Variants in LRRC28 observed in about 807,000 individuals in gnomAD.
LRRC28 encodes the protein leucine rich repeat containing 28, also known as leucine-rich repeat-containing protein 28.
In LRRC28, 39 loss-of-function variants were observed where a neutral mutation model predicts 45.7. The observed-to-expected ratio is 0.85, with a 90% confidence interval of 0.66 to 1.12. The LOEUF (loss-of-function observed/expected upper bound fraction) is 1.12, where lower values mean the gene tolerates loss of function less well. LRRC28 is among the 50% of genes most tolerant of loss of function. LRRC28 has a pLI of 0.00. For missense variants in LRRC28, 435 were observed against 438.5 expected, an observed-to-expected ratio of 0.99 and a Z score of 0.07; for synonymous variants, 206 against 178.8, an observed-to-expected ratio of 1.15 and a Z score of -1.22.
chr15:99,377,207 G>A (rs1957666623), intron 9 of LRRC28, among the ~76,000 whole-genome samples: 1 of 151,630 alleles, frequency 6.6e-6, no homozygotes, highest in Admixed American at 6.5e-5. Context: ...TCCAGCACCT[G>A]TTGTTTCCTG....
intron 6 of LRRC28, among the ~76,000 whole-genome samples, chr15:99,351,364 C>T (rs1156412139): frequency 6.6e-6 from 1 of 152,318 alleles, no homozygotes; most frequent in East Asian, 1.9e-4. Context: ...CCATTCTTTG[C>T]CCTCTCACTG....
intron 7 of LRRC28, among the ~76,000 whole-genome samples, chr15:99,354,646 G>T (rs931583773): frequency 5.9e-5 from 9 of 152,214 alleles, no homozygotes; most frequent in Non-Finnish European, 1.3e-4. Flanking sequence ...GTACAGTGAT[G>T]AGCTAAGCGA....
intron 6 of LRRC28, among the ~76,000 whole-genome samples, chr15:99,337,055 C>G (rs192971418): frequency 6.6e-6 from 1 of 152,234 alleles, no homozygotes; most frequent in Non-Finnish European, 1.5e-5. Context: ...AATTGAACTC[C>G]TTAAGTCGAA....
chr15:99,324,389 G>A (rs1955900377), intron 5 of LRRC28, among the ~76,000 whole-genome samples: 1 of 152,178 alleles, frequency 6.6e-6, no homozygotes, highest in Non-Finnish European at 1.5e-5. Flanking sequence ...ATTTCTGTAT[G>A]TTCTCAACCC....
chr15:99,347,440 C>G (rs1956727708), intron 6 of LRRC28, among the ~76,000 whole-genome samples: 1 of 152,202 alleles, frequency 6.6e-6, no homozygotes, highest in Admixed American at 6.5e-5. Context: ...ATCTCCTGAC[C>G]TCGTGATCTG....
In LRRC28 at chr15:99,387,111, A is replaced by ACT. The variant is rs1567721289; in HGVS notation, c.*1009_*1010insCT. ...AGTCTCGCTCTGTCGCCCAGGCTGG[A>ACT]GTGCAGTGGCGGGATCTCGGCTCAC... On this transcript the variant is annotated 3_prime_UTR_variant, in exon 10 of 10. Transcript: ENST00000301981. The ACT allele has an allele frequency of 1.3e-5, 2 of 151,370 alleles. No homozygotes were observed. The highest frequency in any genetic ancestry group is 1.9e-4 in the East Asian group (1 of 5,134). The allele number at this position is 151,370 out of a possible 1,614,324, so 9.4% of individuals were successfully genotyped here.
intron 5 of LRRC28, among the ~76,000 whole-genome samples, chr15:99,324,435 GT>G (rs1446686944): frequency 1.3e-5 from 2 of 152,182 alleles, no homozygotes; most frequent in East Asian, 3.9e-4. Flanking sequence ...GCTATTTTTA[GT>G]GGTACCGGAA....
chr15:99,287,831 A>G lies in LRRC28; in HGVS notation c.265A>G (p.Lys89Glu). 6.2e-7 allele frequency: 1 copy of G among 1,612,332 alleles called. No individual in the cohort carries two copies. The part of the protein sequence containing the change: ...VVPEAIGSLV[K>E]LQCLDLSDNA... ...CTTTGAAGCCATTGGGTCTCTTGTA[A>G]AACTCCAATGTCTGGATCTTAGTGA... Residue 89 changes from lysine to glutamate, a missense_variant, in exon 5 of 10, where the codon AAA (lysine) becomes GAA (glutamate). Transcript: ENST00000301981.
At chr15:99,363,520 A>G in intron 9 of LRRC28, 1 of 285,522 alleles carries the variant, frequency 3.5e-6, no homozygotes, top group Non-Finnish European at 6.5e-6. Context: ...CTTTGTGAGA[A>G]TGTTTTCCTG....
chr15:99,377,698 C>A (rs575951364), intron 9 of LRRC28, among the ~76,000 whole-genome samples: 5 of 152,096 alleles, frequency 3.3e-5, no homozygotes, highest in Non-Finnish European at 7.4e-5. Context: ...AGTCTTTAAT[C>A]CATCTTGAAT....
Position 99,334,571 on chromosome 15 carries a change from A to C in LRRC28, c.592+442A>C, listed in dbSNP as rs146176831. Among the ~76,000 whole-genome samples the C allele has an allele frequency of 3.7e-3, 560 of 152,242 alleles. 3 individuals are homozygous for C. Among genetic ancestry groups the C allele is most frequent in the African/African-American group, 0.013 (539 of 41,522 alleles). On this transcript the variant is annotated intron_variant, in intron 6 of 9. Transcript: ENST00000301981. ...TATTGCCAGATAACCAGATTATAAA[A>C]CTTTAAAGACCTTAAAATTGGCTGA...
intron 3 of LRRC28, among the ~76,000 whole-genome samples, chr15:99,281,645 GA>G (rs959140801): frequency 5.9e-5 from 9 of 152,110 alleles, no homozygotes; most frequent in African/African-American, 2.2e-4. Context: ...AATACTTTTT[GA>G]TTGGATGGAC....
intron 7 of LRRC28, among the ~76,000 whole-genome samples, chr15:99,354,281 A>G (rs745320149): frequency 5.9e-5 from 9 of 152,218 alleles, no homozygotes; most frequent in Non-Finnish European, 1.0e-4. Context: ...TATACTTACA[A>G]TAATACTTCT....
At chr15:99,362,837 T>C (rs1957239501) in intron 8 of LRRC28, among the ~76,000 whole-genome samples, 1 of 152,162 alleles carries the variant, frequency 6.6e-6, no homozygotes, top group South Asian at 2.1e-4. Context: ...AAATATTTTA[T>C]CTCACTTATT....
intron 3 of LRRC28, among the ~76,000 whole-genome samples, chr15:99,283,164 A>G (rs1197237029): frequency 6.6e-6 from 1 of 151,402 alleles, no homozygotes; most frequent in African/African-American, 2.4e-5. Flanking sequence ...AAGTGCTGGG[A>G]TTACAGGCGT....
At position 99,388,184 on chromosome 15, in the gene LRRC28, A is replaced by G. The variant is rs1200662110; in HGVS notation, c.*2082A>G. The G allele has an allele frequency of 6.6e-6, 1 of 152,228 alleles. No individual in the cohort carries two copies. The highest frequency in any genetic ancestry group is 2.4e-5 in the African/African-American group (1 of 41,462). The allele number at this position is 152,228 out of a possible 1,614,324, so 9.4% of individuals were successfully genotyped here. Reference sequence around the variant, plus strand: ...TGAAAATGTGGCATGAAACTTCACAATTGTGCTTCAGGCCTAAGTGACTGC... The same window carrying G: ...TGAAAATGTGGCATGAAACTTCACAGTTGTGCTTCAGGCCTAAGTGACTGC... On this transcript the variant is annotated 3_prime_UTR_variant, in exon 10 of 10. Transcript: ENST00000301981.
chr15:99,291,316 A>T (rs1347593147), intron 5 of LRRC28, among the ~76,000 whole-genome samples: 1 of 152,110 alleles, frequency 6.6e-6, no homozygotes, highest in African/African-American at 2.4e-5. Flanking sequence ...TACATTTTGG[A>T]TAGGAACTTT....
At chr15:99,332,463 T>C (rs1956190923) in intron 5 of LRRC28, among the ~76,000 whole-genome samples, 1 of 152,212 alleles carries the variant, frequency 6.6e-6, no homozygotes, top group South Asian at 2.1e-4. Flanking sequence ...TGTATTACTT[T>C]TATAAAGTAA....
chr15:99,257,353 C>G (rs556524204), intron 2 of LRRC28, among the ~76,000 whole-genome samples: 1 of 152,080 alleles, frequency 6.6e-6, no homozygotes, highest in East Asian at 1.9e-4. Context: ...AACCCTTTAA[C>G]GAGAAGTGGT....
Sources: gnomAD v4.1 joint callset for allele counts (sites outside exome capture counted in the v4.1 genomes callset) on GRCh38, gnomAD v4.1.1 for gene constraint, MANE v1.5 for transcripts, NCBI Gene and HGNC (gene_info 2026-07-23, HGNC 2026-07-21) for gene names.